The following NUDC variants were observed in gnomAD, a reference collection of about 807,000 sequenced individuals.
NUDC encodes nuclear migration protein nudC.
Under a neutral mutation model 45.0 loss-of-function variants are expected in NUDC, and 14 were observed. The observed-to-expected ratio is 0.31, with a 90% confidence interval of 0.21 to 0.49. NUDC has a LOEUF of 0.49. NUDC is among the 20% of genes least tolerant of loss of function. The pLI, the probability that NUDC is intolerant of heterozygous loss-of-function variation, is 0.99. For synonymous variants in NUDC, 153 were observed against 156.7 expected, an observed-to-expected ratio of 0.98 and a Z score of 0.17; for missense variants, 323 against 426.2, an observed-to-expected ratio of 0.76 and a Z score of 2.13.
Position 26,924,130 on chromosome 1 carries a change from C to T in NUDC, c.123C>T (p.Asp41=), listed in dbSNP as rs1557671914. Residue 41 remains aspartate (D), a synonymous_variant, in exon 2 of 9, where the codon GAC becomes GAT. Coordinates refer to ENST00000321265, the MANE Select transcript of NUDC (RefSeq NM_006600.4). ...TCAGCTTCCTTCGACGCAAAACAGA[C>T]TTTTTCATTGGAGGAGAAGAAGGGA... The part of the protein sequence containing the change: ...TFFSFLRRKT[D]FFIGGEEGMA... 2 of 1,614,120 alleles carry T rather than the reference C, an allele frequency of 1.2e-6. No individual in the cohort carries two copies. The highest frequency in any genetic ancestry group is 2.2e-5 in the South Asian group (2 of 91,084).
chr1:26,941,962 C>T, intron 4 of NUDC, 144 bp downstream of exon 4: 3 of 842,312 alleles, frequency 3.6e-6, no homozygotes, highest in Non-Finnish European at 6.0e-6. Flanking sequence ...ACTTTAAGAT[C>T]ACACTCAGAG....
chr1:26,930,180 G>A (rs546451870), intron 2 of NUDC, among the ~76,000 whole-genome samples: 24 of 152,212 alleles, frequency 1.6e-4, no homozygotes, highest in African/African-American at 5.5e-4. Context: ...GTTTTGTTTT[G>A]TTTTGAGACA....
chr1:26,900,214 GC>G (rs1198940394), upstream of NUDC: 1 of 1,614,186 alleles, frequency 6.2e-7, no homozygotes, highest in South Asian at 1.1e-5. Context: ...TGAGAGAGAA[GC>G]TGGCCCTCAG....
intron 1 of NUDC, among the ~76,000 whole-genome samples, chr1:26,923,347 A>C (rs552684207): frequency 6.6e-6 from 1 of 152,212 alleles, no homozygotes; most frequent in Non-Finnish European, 1.5e-5. Flanking sequence ...GTCAAAAGGT[A>C]ATATATGTCC....
At chr1:26,914,395 T>C (rs1188487887) in intron 3 of NUDC, among the ~76,000 whole-genome samples, 1 of 152,196 alleles carries the variant, frequency 6.6e-6, no homozygotes, top group Non-Finnish European at 1.5e-5. Flanking sequence ...GGGCCTTGAA[T>C]GCAAGGCCCA....
intron 2 of NUDC, among the ~76,000 whole-genome samples, chr1:26,926,278 G>A (rs535961825): frequency 3.3e-5 from 5 of 152,210 alleles, no homozygotes; most frequent in Non-Finnish European, 7.3e-5. Flanking sequence ...ATTCTAACAA[G>A]TTGGTAAACT....
chr1:26,918,839 G>C (rs2082075230), upstream of NUDC, among the ~76,000 whole-genome samples: 1 of 152,032 alleles, frequency 6.6e-6, no homozygotes, highest in Non-Finnish European at 1.5e-5. Flanking sequence ...GCCTCCCAAA[G>C]TGATAAGATT....
chr1:26,913,538 G>A (rs892152253), intron 3 of NUDC: 1 of 1,613,876 alleles, frequency 6.2e-7, no homozygotes, highest in African/African-American at 1.3e-5. Flanking sequence ...CTGTCTGGCA[G>A]TTGGCCACTG....
rs187007156 is a variant in NUDC, at chr1:26,905,458, A to G, written c.-16+3092A>G. ...TTACAGGCGTGAGCCCAGCCACAAG[A>G]TGCTTTTATACTTTTTAGACAACAA... On this transcript the variant is annotated intron_variant, in intron 2 of 6. Coordinates refer to the NUDC transcript ENST00000435827. Among the ~76,000 whole-genome samples, 181 of 152,134 alleles carry G rather than the reference A, an allele frequency of 1.2e-3. 1 individual carries two copies. The highest frequency in any genetic ancestry group is 6.9e-4 in the Non-Finnish European group (47 of 67,984).
In NUDC at chr1:26,941,752, G is replaced by A. The variant is rs765430468; in HGVS notation, c.364-1G>A. On this transcript the variant is annotated splice_acceptor_variant, in intron 3 of 8. Coordinates refer to ENST00000321265, the MANE Select transcript of NUDC (RefSeq NM_006600.4). LOFTEE classifies it high-confidence loss of function. ...GCCAACTGCTGTGCTCTTTGCCCCA[G>A]AAAAAGGATGCAGAGAATCATGAGG... 2.5e-6 allele frequency: 4 copies of A among 1,614,010 alleles called. No homozygotes were observed. In the Admixed American group the frequency reaches 6.7e-5, roughly 27 times the overall value.
At chr1:26,926,384 C>T (rs946613563) in intron 2 of NUDC, among the ~76,000 whole-genome samples, 11 of 152,104 alleles carry the variant, frequency 7.2e-5, no homozygotes, top group African/African-American at 2.4e-4. Context: ...GTCACCTAGT[C>T]GAGTTCCCAG....
intron 3 of NUDC, chr1:26,911,634 A>C: frequency 1.6e-6 from 1 of 609,092 alleles, no homozygotes; most frequent in Non-Finnish European, 3.0e-6. Flanking sequence ...TGTGGGGACC[A>C]CCAAAAGCCT....
intron 1 of NUDC, among the ~76,000 whole-genome samples, chr1:26,923,169 G>A (rs2082104774): frequency 6.6e-6 from 1 of 152,140 alleles, no homozygotes; most frequent in African/African-American, 2.4e-5. Flanking sequence ...CTAAGCCATG[G>A]TTCATGGTTC....
chr1:26,900,795 A>G (rs531177968), intron 1 of NUDC, among the ~76,000 whole-genome samples: 23 of 152,234 alleles, frequency 1.5e-4, no homozygotes, highest in Non-Finnish European at 2.9e-4. Context: ...TCTTCCATTT[A>G]TTTTTCCAAA....
chr1:26,933,314 T>C (rs1302373162), intron 2 of NUDC, among the ~76,000 whole-genome samples: 3 of 152,198 alleles, frequency 2.0e-5, no homozygotes, highest in African/African-American at 7.2e-5. Context: ...CATAGTACTT[T>C]TGTGAACATA....
rs192549497 is a variant in NUDC, at chr1:26,945,209, C to T, written c.742-181C>T. On this transcript the variant is annotated intron_variant, in intron 6 of 8. Coordinates refer to ENST00000321265, the MANE Select transcript of NUDC (RefSeq NM_006600.4). The stretch of plus-strand genomic sequence containing the variant: ...TATCACACTGATTTGTAACTCTTTG[C>T]CTCTGTGTCTCCCCTAGCTGCAGGA... 190 of 647,726 alleles carry T rather than the reference C, an allele frequency of 2.9e-4. 1 individual carries two copies. In the East Asian group the frequency reaches 3.7e-3, roughly 13 times the overall value. 40.1% of individuals were successfully genotyped at this position (647,726 alleles called of 1,614,324 possible).
At chr1:26,922,962 G>GTC (rs2082103189) in intron 1 of NUDC, among the ~76,000 whole-genome samples, 1 of 152,176 alleles carries the variant, frequency 6.6e-6, no homozygotes, top group Non-Finnish European at 1.5e-5. Context: ...TTGAAAAACT[G>GTC]TCTAGAAGCA....
At chr1:26,921,637 G>A (rs921883522), upstream of NUDC, 200 of 596,698 alleles carry the variant, frequency 3.4e-4, 1 homozygote, top group Non-Finnish European at 5.5e-4. Context: ...CGGCGAAGCG[G>A]GTTGCTTGCC....
At chr1:26,913,373 G>A in intron 3 of NUDC, 2 of 1,607,840 alleles carry the variant, frequency 1.2e-6, no homozygotes, top group South Asian at 2.2e-5. Context: ...CCCTGCTTCA[G>A]CCTTGCCCCC....
Sources: gnomAD v4.1 joint callset for allele counts (sites outside exome capture counted in the v4.1 genomes callset) on GRCh38, gnomAD v4.1.1 for gene constraint, MANE v1.5 for transcripts, NCBI Gene and HGNC (gene_info 2026-07-23, HGNC 2026-07-21) for gene names.